The following RIPOR2 variants were observed in gnomAD, a reference collection of about 807,000 sequenced individuals.
RIPOR2 encodes the protein RHO family interacting cell polarization regulator 2, also known as rho family-interacting cell polarization regulator 2.
Under a neutral mutation model 114.5 loss-of-function variants are expected in RIPOR2, and 39 were observed. That is an observed-to-expected ratio of 0.34 (90% CI 0.26 to 0.44). The LOEUF is 0.44. Among genes scored for constraint, RIPOR2 ranks in the 20% least tolerant of loss-of-function variants. RIPOR2 has a pLI of 1.00. For synonymous variants in RIPOR2, 445 were observed against 484.4 expected, an observed-to-expected ratio of 0.92 and a Z score of 1.07; for missense variants, 1,007 against 1,255.1, an observed-to-expected ratio of 0.80 and a Z score of 2.99.
intron 7 of RIPOR2, among the ~76,000 whole-genome samples, chr6:24,861,864 G>A (rs2113834019): frequency 6.6e-6 from 1 of 152,296 alleles, no homozygotes; most frequent in South Asian, 2.1e-4. Context: ...AAAGGCATAT[G>A]GTGTTCAATG....
chr6:24,943,938 T>C (rs1289927457), intron 1 of RIPOR2, among the ~76,000 whole-genome samples: 1 of 152,062 alleles, frequency 6.6e-6, no homozygotes, highest in African/African-American at 2.4e-5. Context: ...TCCTTGGGGG[T>C]GTTTGTTGAA....
rs759213923 is a variant in RIPOR2 at position 24,981,317 on chromosome 6, C to T, written c.76+60534G>A. 1.4e-4 allele frequency among the ~76,000 whole-genome samples: 22 copies of T among 152,294 alleles called. No homozygotes were observed. In the South Asian group the frequency reaches 1.7e-3, roughly 11 times the overall value. ...TCAGCATTAATTCTTGCTTACCCTG[C>T]GCACTTTTTCTTCTGTAAAGCAGGA... is the stretch of plus-strand genomic sequence containing the variant. On this transcript the variant is annotated intron_variant, in intron 1 of 13. Coordinates refer to the RIPOR2 transcript ENST00000510784.
intron 9 of RIPOR2, among the ~76,000 whole-genome samples, chr6:24,852,177 G>A (rs375245611): frequency 4.9e-4 from 75 of 152,180 alleles, no homozygotes; most frequent in African/African-American, 1.5e-3. Flanking sequence ...CAGGAGAATC[G>A]CTTGAATCCA....
chr6:24,968,053 C>T (rs1222243424), intron 1 of RIPOR2, among the ~76,000 whole-genome samples: 8 of 151,882 alleles, frequency 5.3e-5, no homozygotes, highest in Non-Finnish European at 8.8e-5. Context: ...GCTGGGATTA[C>T]AGGCACGTGT....
chr6:24,936,125 T>A (rs549684701), upstream of RIPOR2: 13 of 493,312 alleles, frequency 2.6e-5, no homozygotes, highest in Non-Finnish European at 4.3e-5. Context: ...AGAAAGAATT[T>A]TTTGAAGAGG....
upstream of RIPOR2, among the ~76,000 whole-genome samples, chr6:24,940,161 G>C (rs1275736943): frequency 4.6e-5 from 7 of 151,874 alleles, no homozygotes; most frequent in Non-Finnish European, 1.0e-4. Flanking sequence ...GAGAATTGAG[G>C]CTATAATAAT....
chr6:25,023,597 G>C, intron 1 of RIPOR2: 2 of 766,146 alleles, frequency 2.6e-6, no homozygotes, highest in Non-Finnish European at 4.8e-6. Context: ...CATGGTGAAG[G>C]CCTTGATGTC....
intron 1 of RIPOR2, among the ~76,000 whole-genome samples, chr6:24,917,080 A>T (rs948480452): frequency 6.6e-6 from 1 of 152,216 alleles, no homozygotes; most frequent in Non-Finnish European, 1.5e-5. Context: ...ATATTTACAT[A>T]TAGAGATCAT....
At chr6:24,834,547 A>G (rs561152368) in intron 15 of RIPOR2, among the ~76,000 whole-genome samples, 2 of 151,844 alleles carry the variant, frequency 1.3e-5, no homozygotes, top group South Asian at 4.2e-4. Flanking sequence ...TTTGTTTTAG[A>G]GTCCAAATAC....
At chr6:24,993,612 G>A (rs1774928261) in intron 1 of RIPOR2, among the ~76,000 whole-genome samples, 1 of 152,266 alleles carries the variant, frequency 6.6e-6, no homozygotes, top group Non-Finnish European at 1.5e-5. Context: ...AATGGTGTGT[G>A]TGTGCGTGCA....
At chr6:24,850,043 C>A in intron 10 of RIPOR2, 93 bp from the exon 11 acceptor site, 13 of 933,628 alleles carry the variant, frequency 1.4e-5, no homozygotes, top group Non-Finnish European at 1.9e-5. Context: ...CTAGGTTGGT[C>A]ATTTCTTTCA....
rs748075784 is a variant in RIPOR2, at chr6:24,869,177, A to G, written c.448-30T>C. The G allele has an allele frequency of 1.0e-5, 12 of 1,153,058 alleles. No homozygotes were observed. The East Asian group carries it at 2.4e-4, about 23-fold the overall frequency. 71.4% of individuals were successfully genotyped at this position (1,153,058 alleles called of 1,614,324 possible). A position where few individuals can be genotyped will look rare whatever the true frequency, so the allele number is the denominator to read the frequency against. On this transcript the variant is annotated intron_variant, in intron 5 of 21. Transcript: ENST00000643898. The stretch of plus-strand genomic sequence containing the variant: ...AATTAAAAGAAGTTTGAAAAAGTAC[A>G]GTCATTTATAGTTCAATTGACTTAG...
chr6:24,826,905 T>C (rs1210562360), intron 18 of RIPOR2, among the ~76,000 whole-genome samples: 1 of 151,930 alleles, frequency 6.6e-6, no homozygotes. Flanking sequence ...GTTTACATTT[T>C]TTTTTTTAAT....
chr6:24,852,739 C>T, intron 8 of RIPOR2, 121 bp from the exon 9 acceptor site: 1 of 643,112 alleles, frequency 1.6e-6, no homozygotes, highest in Non-Finnish European at 2.5e-6. Flanking sequence ...TCACATAACA[C>T]TTTTTGGGGC....
intron 1 of RIPOR2, chr6:24,947,977 A>T (rs1390468048): frequency 6.6e-6 from 1 of 152,112 alleles, no homozygotes; most frequent in Non-Finnish European, 1.5e-5. Context: ...CTGGTCCTAT[A>T]CATTATTTTC....
intron 1 of RIPOR2, among the ~76,000 whole-genome samples, chr6:24,935,320 C>CAAAA (rs976245217): frequency 1.8e-4 from 4 of 21,818 alleles, no homozygotes; most frequent in Non-Finnish European, 2.6e-4. Context: ...AAAACAACAA[C>CAAAA]AAAAAAAAAA....
At chr6:24,822,295 C>T (rs1208001496) in intron 19 of RIPOR2, among the ~76,000 whole-genome samples, 2 of 152,122 alleles carry the variant, frequency 1.3e-5, no homozygotes, top group Admixed American at 6.6e-5. Context: ...ATTTGTCTCC[C>T]TCATTTCAGG....
intron 1 of RIPOR2, among the ~76,000 whole-genome samples, chr6:24,973,655 A>C (rs1254419785): frequency 6.6e-6 from 1 of 151,918 alleles, no homozygotes; most frequent in East Asian, 1.9e-4. Flanking sequence ...CATGTTCATC[A>C]CAGCACCATT....
chr6:24,935,029 C>T (rs10946736), intron 1 of RIPOR2, among the ~76,000 whole-genome samples: 26,341 of 152,002 alleles, frequency 0.17, 2,382 homozygotes, highest in South Asian at 0.24. Context: ...GGACCCAGGC[C>T]GGGCATGGTA....
Sources: gnomAD v4.1 joint callset for allele counts (sites outside exome capture counted in the v4.1 genomes callset) on GRCh38, gnomAD v4.1.1 for gene constraint, MANE v1.5 for transcripts, NCBI Gene and HGNC (gene_info 2026-07-23, HGNC 2026-07-21) for gene names.